The following NDST4 variants were observed in gnomAD, a reference collection of about 807,000 sequenced individuals.
The protein encoded by NDST4 is N-deacetylase and N-sulfotransferase 4.
Under a neutral mutation model 100.8 loss-of-function variants are expected in NDST4, and 63 were observed. The observed-to-expected ratio is 0.62, with a 90% CI of 0.51 to 0.77. NDST4 has a LOEUF of 0.77. Among genes scored for constraint, NDST4 ranks in the 30% least tolerant of loss-of-function variants. NDST4 has a pLI of 0.00. For missense variants in NDST4, 943 were observed against 1,018.4 expected (o/e 0.93, Z 1.01); for synonymous variants, 377 against 361.8 (o/e 1.04, Z -0.48).
intron 2 of NDST4, among the ~76,000 whole-genome samples, chr4:114,988,798 A>T (rs1208544176): frequency 6.6e-6 from 1 of 152,134 alleles, no homozygotes; most frequent in Non-Finnish European, 1.5e-5. Context: ...TTCTCAGTGC[A>T]CCGCCAGTAG....
At chr4:115,008,577 AT>A (rs781041471) in intron 2 of NDST4, among the ~76,000 whole-genome samples, 1 of 129,288 alleles carries the variant, frequency 7.7e-6, no homozygotes, top group Admixed American at 7.9e-5. Context: ...CACAGCCAAT[AT>A]CATACTGAAT....
At chr4:114,950,268 T>C (rs767885999) in intron 4 of NDST4, among the ~76,000 whole-genome samples, 1 of 152,030 alleles carries the variant, frequency 6.6e-6, no homozygotes, top group Non-Finnish European at 1.5e-5. Flanking sequence ...CAACATTTTA[T>C]CCACTTTTCC....
At chr4:115,056,754 T>C (rs910758459) in intron 2 of NDST4, among the ~76,000 whole-genome samples, 1 of 152,216 alleles carries the variant, frequency 6.6e-6, no homozygotes, top group Non-Finnish European at 1.5e-5. Context: ...GTTTATAGAC[T>C]GTCAAGACCA....
At chr4:114,949,534 G>A (rs1725942949) in intron 4 of NDST4, among the ~76,000 whole-genome samples, 1 of 152,014 alleles carries the variant, frequency 6.6e-6, no homozygotes, top group South Asian at 2.1e-4. Context: ...CAAAAGTGAG[G>A]CCTCAGATTC....
Position 115,006,138 on chromosome 4 carries a change from G to A in NDST4, c.979-28864C>T, listed in dbSNP as rs1266855180. Among the ~76,000 whole-genome samples, 5 of 151,154 alleles carry A rather than the reference G, an allele frequency of 3.3e-5. No individual in the cohort carries two copies. The East Asian group carries it at 9.7e-4, about 29-fold the overall frequency. On this transcript the variant is annotated intron_variant, in intron 2 of 13. Transcript: ENST00000264363. The stretch of plus-strand genomic sequence containing the variant: ...AAAAAAGAAAAAAAAGAAATAAATA[G>A]GTATATGTAAAGCCTGGAAAGACAA...
intron 2 of NDST4, among the ~76,000 whole-genome samples, chr4:115,070,911 C>T (rs185261591): frequency 1.4e-4 from 22 of 152,038 alleles, no homozygotes; most frequent in South Asian, 6.2e-4. Context: ...TTGATGCCAG[C>T]GTGGCCAACA....
chr4:114,839,278 T>C, intron 11 of NDST4, 100 bp downstream of exon 11: 3 of 1,151,462 alleles, frequency 2.6e-6, no homozygotes, highest in Non-Finnish European at 3.6e-6. Context: ...AATACAATCA[T>C]GATAAGCAGA....
At chr4:115,019,922 A>C (rs1727772750) in intron 2 of NDST4, among the ~76,000 whole-genome samples, 1 of 152,058 alleles carries the variant, frequency 6.6e-6, no homozygotes, top group Non-Finnish European at 1.5e-5. Context: ...GAGCCAAATA[A>C]ATTTCTGTAT....
chr4:114,900,181 C>A (rs1172935799), intron 6 of NDST4, among the ~76,000 whole-genome samples: 1 of 151,920 alleles, frequency 6.6e-6, no homozygotes, highest in Non-Finnish European at 1.5e-5. Flanking sequence ...AATGATGTCC[C>A]CTCTTTAATT....
intron 2 of NDST4, among the ~76,000 whole-genome samples, chr4:115,039,762 A>G (rs1728310744): frequency 6.6e-6 from 1 of 152,132 alleles, no homozygotes; most frequent in Admixed American, 6.6e-5. Flanking sequence ...TTTACCTAAG[A>G]AAAGAGGGGT....
At chr4:114,863,154 C>A (rs1723953226) in intron 7 of NDST4, among the ~76,000 whole-genome samples, 1 of 152,146 alleles carries the variant, frequency 6.6e-6, no homozygotes, top group African/African-American at 2.4e-5. Flanking sequence ...TGAATACCAG[C>A]AAACATAATG....
chr4:115,058,604 C>G (rs1018736620), intron 2 of NDST4, among the ~76,000 whole-genome samples: 6 of 151,928 alleles, frequency 3.9e-5, no homozygotes, highest in Admixed American at 2.0e-4. Context: ...CATTCTTTTT[C>G]TTTTTTAAAT....
chr4:115,010,951 C>T (rs1337702581), intron 2 of NDST4, among the ~76,000 whole-genome samples: 1 of 152,014 alleles, frequency 6.6e-6, no homozygotes, highest in African/African-American at 2.4e-5. Flanking sequence ...GAATTTAGCA[C>T]AGGTTCAGAA....
intron 2 of NDST4, among the ~76,000 whole-genome samples, chr4:115,031,152 T>A (rs1728106475): frequency 6.6e-6 from 1 of 152,052 alleles, no homozygotes; most frequent in Non-Finnish European, 1.5e-5. Context: ...TTAATACACA[T>A]CTTCAACTCC....
At chr4:114,918,269 C>A (rs1475586953) in intron 6 of NDST4, among the ~76,000 whole-genome samples, 3 of 151,596 alleles carry the variant, frequency 2.0e-5, no homozygotes, top group Non-Finnish European at 2.9e-5. Flanking sequence ...AATTGGGCTG[C>A]GATGCTGGGT....
intron 2 of NDST4, among the ~76,000 whole-genome samples, chr4:115,022,084 T>C (rs1286820494): frequency 2.0e-5 from 3 of 151,942 alleles, no homozygotes; most frequent in Non-Finnish European, 4.4e-5. Flanking sequence ...TCTATACACG[T>C]TCCATATATA....
chr4:114,847,045 G>A (rs116318846), intron 9 of NDST4, among the ~76,000 whole-genome samples: 3,017 of 152,106 alleles, frequency 0.02, 133 homozygotes, highest in South Asian at 0.17. Flanking sequence ...CGCCGGTGTT[G>A]CACCTGCCCA....
chr4:115,071,276 TCACACACACACACA>T lies in NDST4; in HGVS notation c.978+4769_978+4782del, dbSNP rs70964340. On this transcript the variant is annotated intron_variant, in intron 2 of 13. Transcript: ENST00000264363. Reference sequence around the variant, plus strand: ...ATTTGGTTCAAATGAAAGTATGCCTTCACACACACACACACACACACACACACACACACACACAC... The same window carrying T: ...ATTTGGTTCAAATGAAAGTATGCCTTCACACACACACACACACACACACAC... Among the ~76,000 whole-genome samples, 942 of 138,270 alleles carry T rather than the reference TCACACACACACACA, an allele frequency of 6.8e-3. 16 individuals carry two copies. Among genetic ancestry groups the T allele is most frequent in the African/African-American group, 0.024 (887 of 37,262 alleles). 90.7% of individuals were successfully genotyped at this position (138,270 alleles called of 152,430 possible).
In NDST4 at chr4:114,988,347, C is replaced by T. The variant is rs562255761; in HGVS notation, c.979-11073G>A. ...AGTATTTTGTAAGCACACAGATACA[C>T]ATATCTTTTTTTTTTTTTTTTTTTT... On this transcript the variant is annotated intron_variant, in intron 2 of 13. Transcript: ENST00000264363. Among the ~76,000 whole-genome samples, 40 of 111,584 alleles carry T rather than the reference C, an allele frequency of 3.6e-4. No individual in the cohort carries two copies. The South Asian group carries it at 0.013, about 35-fold the overall frequency. 73.2% of individuals were successfully genotyped at this position (111,584 alleles called of 152,430 possible).
Sources: gnomAD v4.1 joint callset for allele counts (sites outside exome capture counted in the v4.1 genomes callset) on GRCh38, gnomAD v4.1.1 for gene constraint, MANE v1.5 for transcripts, NCBI Gene and HGNC (gene_info 2026-07-23, HGNC 2026-07-21) for gene names.